The following PTPRN2 variants were observed in gnomAD, a reference collection of about 807,000 sequenced individuals.
PTPRN2 encodes the protein protein tyrosine phosphatase receptor type N2, also known as receptor-type tyrosine-protein phosphatase N2.
PTPRN2 carries 74 observed loss-of-function variants against 118.8 expected under a neutral mutation model. That is an observed-to-expected ratio of 0.62 (90% confidence interval 0.52 to 0.76). The LOEUF (loss-of-function observed/expected upper bound fraction) is 0.76. Ranked by LOEUF, PTPRN2 falls within the 30% of genes least tolerant of loss-of-function variation. The pLI, the probability that PTPRN2 is intolerant of heterozygous loss-of-function variation, is 0.00. For missense variants in PTPRN2, 1,481 were observed against 1,394.4 expected (o/e 1.06, Z -0.99); for synonymous variants, 641 against 608.0 (o/e 1.05, Z -0.80).
At chr7:158,236,600 G>T (rs67463190) in intron 3 of PTPRN2, among the ~76,000 whole-genome samples, 27,306 of 152,076 alleles carry the variant, frequency 0.18, 2,638 homozygotes, top group Non-Finnish European at 0.22. Flanking sequence ...TCATGGAGCC[G>T]CCGTGAAGAC....
rs1310731217 is a variant in PTPRN2 at position 157,560,181 on chromosome 7, G to A, written c.2902+8721C>T. ...CAGGAGTGGGTGAGGAGCCCCTGCA[G>A]CCAGGCTATGTGAACCCTGGCTCAG... On this transcript the variant is annotated intron_variant, in intron 21 of 22. Transcript: ENST00000389418. The surrounding 1 kb of genome is among the most constrained non-coding windows in gnomAD (Gnocchi z 6.7). 6.6e-6 allele frequency among the ~76,000 whole-genome samples: 1 copy of A among 152,176 alleles called. No homozygotes were observed. The highest frequency in any genetic ancestry group is 1.5e-5 in the Non-Finnish European group (1 of 68,020).
At chr7:158,235,557 G>A (rs62479637) in intron 3 of PTPRN2, among the ~76,000 whole-genome samples, 2 of 152,214 alleles carry the variant, frequency 1.3e-5, no homozygotes, top group Non-Finnish European at 2.9e-5. Flanking sequence ...TCATGAGGGT[G>A]CCTCCGTTGA....
chr7:157,755,991 T>C (rs1311592354), intron 12 of PTPRN2, among the ~76,000 whole-genome samples: 2 of 152,164 alleles, frequency 1.3e-5, no homozygotes, highest in African/African-American at 4.8e-5. Flanking sequence ...GCTGGCATTG[T>C]GTAGGTAAAT....
intron 12 of PTPRN2, among the ~76,000 whole-genome samples, chr7:157,848,559 A>T (rs1028939562): frequency 5.0e-4 from 76 of 152,358 alleles, no homozygotes; most frequent in African/African-American, 1.8e-3. Flanking sequence ...GATTTGCACC[A>T]CTGCTGTGAG....
At chr7:158,140,725 C>T (rs538906362) in intron 6 of PTPRN2, among the ~76,000 whole-genome samples, 8 of 152,230 alleles carry the variant, frequency 5.3e-5, no homozygotes, top group East Asian at 1.9e-4. Context: ...TGCCGTGCAG[C>T]GTGGCCGCTG....
chr7:158,199,662 T>A (rs1230100018), intron 4 of PTPRN2, among the ~76,000 whole-genome samples: 1 of 141,550 alleles, frequency 7.1e-6, no homozygotes, highest in Non-Finnish European at 1.6e-5. Context: ...TGAATACACA[T>A]GGAGTGGAGA....
At chr7:157,724,821 G>T (rs549355498) in intron 12 of PTPRN2, among the ~76,000 whole-genome samples, 1 of 152,188 alleles carries the variant, frequency 6.6e-6, no homozygotes, top group Non-Finnish European at 1.5e-5. Flanking sequence ...ATCCTGAGGC[G>T]GGGACCATCT....
At chr7:158,045,500 GA>G (rs1808775457) in intron 11 of PTPRN2, among the ~76,000 whole-genome samples, 1 of 152,176 alleles carries the variant, frequency 6.6e-6, no homozygotes. Context: ...AAACAGGAAG[GA>G]GAGGAAAGAA....
chr7:157,572,607 TCTC>T (rs907577518), intron 19 of PTPRN2, among the ~76,000 whole-genome samples: 1 of 152,160 alleles, frequency 6.6e-6, no homozygotes, highest in African/African-American at 2.4e-5. Flanking sequence ...CACAGAGCTT[TCTC>T]CTCCTCTCTT....
At chr7:158,361,765 G>C (rs897327635) in intron 2 of PTPRN2, among the ~76,000 whole-genome samples, 1 of 152,176 alleles carries the variant, frequency 6.6e-6, no homozygotes, top group Non-Finnish European at 1.5e-5. Flanking sequence ...CCCCAGGAAG[G>C]TCAGTGCCTG....
At chr7:157,859,945 C>T (rs1251264204) in intron 12 of PTPRN2, among the ~76,000 whole-genome samples, 6 of 133,426 alleles carry the variant, frequency 4.5e-5, no homozygotes, top group African/African-American at 1.4e-4. Context: ...GCAGGGAGAG[C>T]CCCCCAGCCA....
chr7:157,701,621 C>T (rs558484631), intron 12 of PTPRN2, among the ~76,000 whole-genome samples: 3 of 152,324 alleles, frequency 2.0e-5, no homozygotes, highest in East Asian at 1.9e-4. Flanking sequence ...CCTTCCTACC[C>T]GAAGTTCTGT....
At chr7:158,483,624 T>C (rs578184109) in intron 2 of PTPRN2, among the ~76,000 whole-genome samples, 10 of 152,290 alleles carry the variant, frequency 6.6e-5, no homozygotes, top group Non-Finnish European at 1.5e-4. Flanking sequence ...GAGCCAGCAT[T>C]TTCAACCATC....
At chr7:158,577,594 A>G (rs1358884728) in intron 1 of PTPRN2, among the ~76,000 whole-genome samples, 1 of 152,262 alleles carries the variant, frequency 6.6e-6, no homozygotes, top group Non-Finnish European at 1.5e-5. Context: ...GGGCCTGCAC[A>G]ACACTGTGGG....
Position 157,540,611 on chromosome 7 carries a change from A to G in PTPRN2, c.*103T>C. 1.0e-6 allele frequency: 1 copy of G among 981,610 alleles called. No homozygotes were observed. The allele number at this position is 981,610 out of a possible 1,614,324, so 60.8% of individuals were successfully genotyped here. On this transcript the variant is annotated 3_prime_UTR_variant, in exon 23 of 23. Coordinates refer to ENST00000389418, the MANE Select transcript of PTPRN2 (RefSeq NM_002847.5). ...TGACTACGGGAGAGCTAAGGGCCCT[A>G]TTACTATGCAGTTATAATAGAAGAC...
rs189292534 is a variant in PTPRN2, at chr7:157,724,824, G to A, written c.1789-41887C>T. On this transcript the variant is annotated intron_variant, in intron 12 of 22. Coordinates refer to ENST00000389418, the MANE Select transcript of PTPRN2 (RefSeq NM_002847.5). ...CTAAGTCCAACCATCCTGAGGCGGG[G>A]ACCATCTGTGTATTGTTGAGTCTGC... 2.0e-3 allele frequency among the ~76,000 whole-genome samples: 298 copies of A among 152,296 alleles called. 1 individual carries two copies. Among genetic ancestry groups the A allele is most frequent in the African/African-American group, 4.0e-3 (168 of 41,558 alleles).
intron 2 of PTPRN2, among the ~76,000 whole-genome samples, chr7:158,462,919 C>T (rs1038700365): frequency 5.9e-5 from 8 of 135,232 alleles, no homozygotes; most frequent in African/African-American, 1.9e-4. Context: ...AGCAGTGCAA[C>T]AACTTGGGGG....
In PTPRN2 at chr7:157,645,621, A is replaced by G. The variant is rs188429351; in HGVS notation, c.2196+10736T>C. On this transcript the variant is annotated intron_variant, in intron 14 of 22. Coordinates refer to ENST00000389418, the MANE Select transcript of PTPRN2 (RefSeq NM_002847.5). ...TGTGCGTCCAATAACAGGAGAACAT[A>G]TGGCTGTTAGGAGGGTGGGGCCGGG... Among the ~76,000 whole-genome samples, 71 of 152,308 alleles carry G rather than the reference A, an allele frequency of 4.7e-4. No homozygotes were observed. The East Asian group carries it at 0.012, about 26-fold the overall frequency.
At chr7:157,683,640 G>A (rs191088118) in intron 12 of PTPRN2, among the ~76,000 whole-genome samples, 1 of 152,210 alleles carries the variant, frequency 6.6e-6, no homozygotes, top group East Asian at 1.9e-4. Flanking sequence ...TTCTCAGCGA[G>A]GAAAACCCTT....
Sources: allele counts gnomAD v4.1 joint callset (sites outside exome capture counted in the v4.1 genomes callset), GRCh38; gene constraint gnomAD v4.1.1; non-coding constraint Gnocchi (gnomAD v3.1); transcripts MANE v1.5; gene names NCBI Gene and HGNC (gene_info 2026-07-23, HGNC 2026-07-21).